Variants in SLC68A1 observed in about 807,000 individuals in gnomAD.
SLC68A1 encodes solute carrier family 68 member 1.
chr10:102,475,420 T>A, the SLC68A1 span, among the ~76,000 whole-genome samples: 1 of 151,964 alleles, frequency 6.6e-6, no homozygotes, highest in Non-Finnish European at 1.5e-5. Flanking sequence ...GCCAGGGTGG[T>A]GGCAGGTGGG....
At chr10:102,471,256 T>C in the SLC68A1 span, 3 of 1,610,156 alleles carry the variant, frequency 1.9e-6, no homozygotes, top group South Asian at 3.3e-5. Context: ...AGTTCTCCAC[T>C]CCCTTCTGCC....
chr10:102,465,823 GAA>G, the SLC68A1 span, among the ~76,000 whole-genome samples: 3 of 152,186 alleles, frequency 2.0e-5, no homozygotes, highest in Admixed American at 6.6e-5. Flanking sequence ...ATCTGGAAGA[GAA>G]AACATTAAAA....
At chr10:102,469,277 G>A in the SLC68A1 span, 2 of 1,449,364 alleles carry the variant, frequency 1.4e-6, no homozygotes, top group East Asian at 2.3e-5. Flanking sequence ...TGGGCAGATT[G>A]CAGGTGCCTG....
chr10:102,472,735 C>T, the SLC68A1 span: 1 of 787,148 alleles, frequency 1.3e-6, no homozygotes, highest in Non-Finnish European at 2.3e-6. Flanking sequence ...AAGGCCTGCT[C>T]TCGCTCTTGC....
At chr10:102,471,220 G>C in the SLC68A1 span, 1 of 1,601,962 alleles carries the variant, frequency 6.2e-7, no homozygotes, top group African/African-American at 1.3e-5. Context: ...GGATGTGTTG[G>C]GGGATAACTC....
At chr10:102,469,721 A>G in the SLC68A1 span, 1 of 389,618 alleles carries the variant, frequency 2.6e-6, no homozygotes, top group Non-Finnish European at 3.5e-6. Context: ...TAATTTTTGT[A>G]TTTTTAGTAG....
the SLC68A1 span, chr10:102,474,045 GGCT>G: frequency 6.5e-7 from 1 of 1,548,152 alleles, no homozygotes; most frequent in Non-Finnish European, 8.7e-7. Flanking sequence ...GGGCTCTTAA[GGCT>G]CCAGGGGGCA....
At chr10:102,464,476 A>G in the SLC68A1 span, among the ~76,000 whole-genome samples, 1 of 151,094 alleles carries the variant, frequency 6.6e-6, no homozygotes, top group Non-Finnish European at 1.5e-5. Context: ...ATGAAACCAA[A>G]CTTCAAAGAA....
chr10:102,463,979 TG>T, the SLC68A1 span, among the ~76,000 whole-genome samples: 1 of 152,108 alleles, frequency 6.6e-6, no homozygotes, highest in Non-Finnish European at 1.5e-5. Flanking sequence ...GCATAAAGCT[TG>T]GGTGCTGGAA....
the SLC68A1 span, chr10:102,472,907 G>A: frequency 2.5e-6 from 4 of 1,614,074 alleles, no homozygotes; most frequent in Middle Eastern, 3.3e-4. Context: ...TGGAGCATCT[G>A]TTGTCCGACC....
At chr10:102,472,277 C>CT in the SLC68A1 span, 3,016 of 266,228 alleles carry the variant, frequency 0.011, no homozygotes, top group South Asian at 0.022. Context: ...GTTTTCTTTT[C>CT]TTTTTTTTTT....
the SLC68A1 span, chr10:102,476,159 C>A: frequency 8.4e-7 from 1 of 1,186,950 alleles, no homozygotes. Flanking sequence ...AAACCACCAC[C>A]CAGGTTCAAG....
chr10:102,474,706 G>T, the SLC68A1 span, among the ~76,000 whole-genome samples: 1 of 152,080 alleles, frequency 6.6e-6, no homozygotes, highest in Non-Finnish European at 1.5e-5. Context: ...GGAGTGCAGT[G>T]GCACGATCTT....
chr10:102,464,529 T>C, the SLC68A1 span, among the ~76,000 whole-genome samples: 2 of 151,096 alleles, frequency 1.3e-5, no homozygotes, highest in African/African-American at 4.9e-5. Flanking sequence ...CAGTGGCTCA[T>C]GCCTGTAATC....
At chr10:102,468,034 G>GAAA in the SLC68A1 span, among the ~76,000 whole-genome samples, 4 of 149,380 alleles carry the variant, frequency 2.7e-5, no homozygotes, top group African/African-American at 7.4e-5. Flanking sequence ...ATTTGGGCAG[G>GAAA]AAAAAAAAAA....
the SLC68A1 span, chr10:102,470,118 C>A: frequency 6.4e-7 from 1 of 1,568,826 alleles, no homozygotes. Context: ...CAGTCCCACC[C>A]TACTGCTACC....
chr10:102,470,591 G>T, the SLC68A1 span: 91 of 1,551,484 alleles, frequency 5.9e-5, no homozygotes, highest in East Asian at 1.9e-3. Context: ...CCCTCCCCTG[G>T]GGCCTGGGCA....
At chr10:102,464,138 G>T in the SLC68A1 span, among the ~76,000 whole-genome samples, 1 of 152,074 alleles carries the variant, frequency 6.6e-6, no homozygotes, top group Non-Finnish European at 1.5e-5. Flanking sequence ...GAGCCACAAC[G>T]CCCCACCTAG....
At chr10:102,470,717 C>G in the SLC68A1 span, 2 of 1,613,216 alleles carry the variant, frequency 1.2e-6, no homozygotes, top group Non-Finnish European at 1.7e-6. Context: ...GGTGCAGGCC[C>G]TGGGCTGGCA....
Sources: gnomAD v4.1 joint callset for allele counts (sites outside exome capture counted in the v4.1 genomes callset) on GRCh38, gnomAD v4.1.1 for gene constraint, MANE v1.5 for transcripts, NCBI Gene and HGNC (gene_info 2026-07-23, HGNC 2026-07-21) for gene names.